Variants in MYH10 observed in about 807,000 individuals in gnomAD.
The protein encoded by MYH10 is myosin heavy chain 10.
MYH10 carries 55 observed loss-of-function variants against 257.8 expected under a neutral mutation model. The ratio of observed to expected loss-of-function variants is 0.21; its 90% confidence interval spans 0.17 to 0.27. The LOEUF is 0.27. MYH10 is among the 10% of genes least tolerant of loss of function. The pLI, the probability that MYH10 is intolerant of heterozygous loss-of-function variation, is 1.00. For synonymous variants in MYH10, 854 were observed against 921.7 expected (o/e 0.93, Z 1.33); for missense variants, 1,631 against 2,500.6 (o/e 0.65, Z 7.42).
At position 8,583,459 on chromosome 17, in the gene MYH10, G is replaced by A. The variant is rs532612397; in HGVS notation, c.530+5622C>T. On this transcript the variant is annotated intron_variant, in intron 4 of 42. Transcript: ENST00000360416. ...GCATACAAATTCATTTAACATGAGC[G>A]TGGGGAGAATCACAGTCTGATAGCC... Among the ~76,000 whole-genome samples the A allele has an allele frequency of 2.8e-3, 429 of 151,688 alleles. 1 individual carries two copies. The highest frequency in any genetic ancestry group is 0.01 in the African/African-American group (415 of 41,342).
chr17:8,536,329 T>C (rs1422250840), intron 14 of MYH10, among the ~76,000 whole-genome samples: 1 of 152,228 alleles, frequency 6.6e-6, no homozygotes, highest in East Asian at 1.9e-4. Flanking sequence ...CTAATGAGAA[T>C]GCTTCAAACA....
chr17:8,625,178 G>C (rs146885485), intron 1 of MYH10, among the ~76,000 whole-genome samples: 3,860 of 152,302 alleles, frequency 0.025, 152 homozygotes, highest in African/African-American at 0.088. Context: ...TTGAACCTGA[G>C]AGGCGGAGGT....
chr17:8,517,127 C>T (rs1049900641), intron 21 of MYH10, among the ~76,000 whole-genome samples: 2 of 152,050 alleles, frequency 1.3e-5, no homozygotes, highest in South Asian at 2.1e-4. Flanking sequence ...AGCGACAGAG[C>T]GAGACTCTGT....
chr17:8,577,222 G>T lies in MYH10; in HGVS notation c.633+14C>A. On this transcript the variant is annotated intron_variant, in intron 5 of 42. Coordinates refer to ENST00000360416, the MANE Select transcript of MYH10 (RefSeq NM_001256012.3). ...GAAGAAGAAGATTTAAAAAACAACA[G>T]AGCAGAAACTTACAGGAATATTATG... The T allele has an allele frequency of 6.3e-7, 1 of 1,577,580 alleles. No homozygotes were observed. The highest frequency in any genetic ancestry group is 8.7e-7 in the Non-Finnish European group (1 of 1,151,916).
intron 10 of MYH10, 109 bp from the exon 11 acceptor site, chr17:8,548,517 A>G: frequency 1.4e-6 from 2 of 1,410,174 alleles, no homozygotes; most frequent in South Asian, 2.7e-5. Context: ...CTTTTCAGTA[A>G]GACATGTCTT....
At position 8,610,271 on chromosome 17, in the gene MYH10, CAAAAA is replaced by C. The variant is rs71361810; in HGVS notation, c.346-5294_346-5290del. Reference sequence around the variant, plus strand: ...GTTTATAGGGAGCACCATAGGATTGCAAAAAAAAAAAAAAAAAAAAAGGGTTGGGG... The same window carrying C: ...GTTTATAGGGAGCACCATAGGATTGCAAAAAAAAAAAAAAAAGGGTTGGGG... On this transcript the variant is annotated intron_variant, in intron 2 of 42. Coordinates refer to ENST00000360416, the MANE Select transcript of MYH10 (RefSeq NM_001256012.3). 1.7e-4 allele frequency among the ~76,000 whole-genome samples: 8 copies of C among 45,982 alleles called. 1 individual carries two copies. The highest frequency in any genetic ancestry group is 8.1e-4 in the East Asian group (1 of 1,238). 30.2% of individuals were successfully genotyped at this position (45,982 alleles called of 152,430 possible). A position where few individuals can be genotyped will look rare whatever the true frequency, so the allele number is the denominator to read the frequency against.
Position 8,490,396 on chromosome 17 carries a change from C to T in MYH10, c.4828G>A (p.Asp1610Asn). 1 of 1,614,176 alleles carries T rather than the reference C, an allele frequency of 6.2e-7. No homozygotes were observed. Among genetic ancestry groups the T allele is most frequent in the Non-Finnish European group, 8.5e-7 (1 of 1,180,030 alleles). The change falls in exon 35 of 43, where the codon GAC (aspartate) becomes AAC (asparagine). Residue 1610 changes from aspartate to asparagine, a missense_variant. Asp to Asn is a conservative substitution (Grantham distance 23). Coordinates refer to ENST00000360416, the MANE Select transcript of MYH10 (RefSeq NM_001256012.3). This position sits in a 1 kb window ranked among gnomAD's most constrained non-coding sequence, Gnocchi z 4.1. ...MQAMKAQFER[D>N]LQTRDEQNEE... Reference sequence around the variant, plus strand: ...TTCTGCTCATCCCTGGTTTGCAGGTCTCTCTCGAACTGCGCCTTCATGGCC... The same window carrying T: ...TTCTGCTCATCCCTGGTTTGCAGGTTTCTCTCGAACTGCGCCTTCATGGCC...
Position 8,520,872 on chromosome 17 carries a change from C to G in MYH10, c.2273+6G>C. 6.3e-7 allele frequency: 1 copy of G among 1,598,224 alleles called. No homozygotes were observed. The highest frequency in any genetic ancestry group is 8.5e-7 in the Non-Finnish European group (1 of 1,174,056). Reference sequence around the variant, plus strand: ...CATAAGCAAAAAAAGTAAAAGTTAGCAATACCTCTGTCTGAATTCCTGGAA... The same window carrying G: ...CATAAGCAAAAAAAGTAAAAGTTAGGAATACCTCTGTCTGAATTCCTGGAA... On this transcript the variant is annotated splice_donor_region_variant and intron_variant, in intron 19 of 42. Coordinates refer to ENST00000360416, the MANE Select transcript of MYH10 (RefSeq NM_001256012.3).
At chr17:8,611,135 G>A (rs944996800) in intron 2 of MYH10, among the ~76,000 whole-genome samples, 12 of 152,140 alleles carry the variant, frequency 7.9e-5, no homozygotes, top group East Asian at 1.9e-4. Context: ...TTGGTGTGGC[G>A]GTGGTAAATA....
Position 8,535,255 on chromosome 17 carries a change from C to T in MYH10, c.1894+132G>A. ...GGATAAATTCCGATATAACGGCAGC[C>T]CTGCTCTAGGGAAAGAAAGATTTTA... On this transcript the variant is annotated intron_variant, in intron 16 of 42. Transcript: ENST00000360416. The surrounding 1 kb of genome is among the most constrained non-coding windows in gnomAD (Gnocchi z 4.3). 1.6e-6 allele frequency: 1 copy of T among 618,510 alleles called. No homozygotes were observed. The highest frequency in any genetic ancestry group is 3.1e-5 in the Admixed American group (1 of 32,364). 38.3% of individuals were successfully genotyped at this position (618,510 alleles called of 1,614,324 possible). A position where few individuals can be genotyped will look rare whatever the true frequency, so the allele number is the denominator to read the frequency against.
intron 3 of MYH10, among the ~76,000 whole-genome samples, chr17:8,602,482 C>T (rs2084649220): frequency 6.6e-6 from 1 of 152,202 alleles, no homozygotes; most frequent in Non-Finnish European, 1.5e-5. Flanking sequence ...CCGGTGTGAG[C>T]TTTACCAGCA....
chr17:8,628,606 T>C (rs561163919), intron 1 of MYH10, among the ~76,000 whole-genome samples: 1 of 152,320 alleles, frequency 6.6e-6, no homozygotes, highest in Non-Finnish European at 1.5e-5. Flanking sequence ...ACGAGTCTGC[T>C]AATTTATCAA....
At chr17:8,572,656 G>GC (rs567811420) in intron 6 of MYH10, among the ~76,000 whole-genome samples, 56 of 152,262 alleles carry the variant, frequency 3.7e-4, no homozygotes, top group Non-Finnish European at 6.5e-4. Context: ...GCCAAAGGCA[G>GC]CAAGAAGATT....
intron 25 of MYH10, among the ~76,000 whole-genome samples, chr17:8,508,887 T>C (rs903920879): frequency 1.3e-5 from 2 of 152,214 alleles, no homozygotes; most frequent in South Asian, 4.1e-4. Flanking sequence ...AAGATGATCA[T>C]GGAGCTGAAA....
rs937313868 is a variant in MYH10 at position 8,477,506 on chromosome 17, C to T, written c.5707-458G>A. Among the ~76,000 whole-genome samples the T allele has an allele frequency of 1.3e-5, 2 of 152,070 alleles. No individual in the cohort carries two copies. Among genetic ancestry groups the T allele is most frequent in the Admixed American group, 6.5e-5 (1 of 15,270 alleles). ...GACTTGGATTCAAGCAGAAAGCCACCCTGGGATGACATGCCACAGAACTAA... is the reference window on the plus strand; with the variant it reads ...GACTTGGATTCAAGCAGAAAGCCACTCTGGGATGACATGCCACAGAACTAA... On this transcript the variant is annotated intron_variant, in intron 41 of 42. Coordinates refer to ENST00000360416, the MANE Select transcript of MYH10 (RefSeq NM_001256012.3). The surrounding 1 kb of genome is among the most constrained non-coding windows in gnomAD (Gnocchi z 4.2).
chr17:8,551,900 A>AT (rs1435647093), intron 9 of MYH10, 146 bp downstream of exon 9: 5 of 436,616 alleles, frequency 1.1e-5, no homozygotes, highest in African/African-American at 1.0e-4. Flanking sequence ...TGGAAGTTCA[A>AT]TTTCATTTTG....
chr17:8,628,970 T>C (rs769859261), intron 1 of MYH10, among the ~76,000 whole-genome samples: 1 of 152,156 alleles, frequency 6.6e-6, no homozygotes, highest in East Asian at 1.9e-4. Context: ...TTACACCATA[T>C]GCTTTCTCCA....
chr17:8,532,915 A>G (rs904476006), intron 16 of MYH10, among the ~76,000 whole-genome samples: 5 of 152,228 alleles, frequency 3.3e-5, no homozygotes, highest in African/African-American at 9.6e-5. Context: ...GGGATATAAG[A>G]CAAGGACTAA....
Position 8,520,868 on chromosome 17 carries a change from T to C in MYH10, c.2273+10A>G, listed in dbSNP as rs1275075835. ...GATACATAAGCAAAAAAAGTAAAAG[T>C]TAGCAATACCTCTGTCTGAATTCCT... On this transcript the variant is annotated intron_variant, in intron 19 of 42. Transcript: ENST00000360416. 1.3e-6 allele frequency: 2 copies of C among 1,588,640 alleles called. No homozygotes were observed.
Sources: allele counts gnomAD v4.1 joint callset (sites outside exome capture counted in the v4.1 genomes callset), GRCh38; gene constraint gnomAD v4.1.1; non-coding constraint Gnocchi (gnomAD v3.1); transcripts MANE v1.5; gene names NCBI Gene and HGNC (gene_info 2026-07-23, HGNC 2026-07-21).